Variants in TAFA2 observed in about 807,000 individuals in gnomAD.
TAFA2 encodes the protein chemokine-like protein TAFA-2.
In TAFA2, 7 loss-of-function variants were observed where a neutral mutation model predicts 18.8. The ratio of observed to expected loss-of-function variants is 0.37; its 90% CI spans 0.21 to 0.70. The LOEUF is 0.70. Among genes scored for constraint, TAFA2 ranks in the 30% least tolerant of loss-of-function variants. The probability of loss-of-function intolerance (pLI) is 0.53; values close to 1 mark genes in which losing one functional copy is unlikely to be tolerated. For synonymous variants in TAFA2, 60 were observed against 54.2 expected (o/e 1.11, Z -0.47); for missense variants, 122 against 158.1 (o/e 0.77, Z 1.23).
intron 1 of TAFA2, among the ~76,000 whole-genome samples, chr12:61,994,751 C>T (rs897205535): frequency 6.6e-6 from 1 of 152,046 alleles, no homozygotes; most frequent in East Asian, 1.9e-4. Context: ...CCTTCGTTTC[C>T]GTATCTGTGT....
intron 1 of TAFA2, among the ~76,000 whole-genome samples, chr12:61,899,852 G>A (rs1440755519): frequency 1.3e-5 from 2 of 152,068 alleles, no homozygotes; most frequent in East Asian, 1.9e-4. Context: ...TATTCTATTA[G>A]GTATTATAAG....
At chr12:62,059,817 C>T (rs550278961) in intron 1 of TAFA2, among the ~76,000 whole-genome samples, 1 of 152,018 alleles carries the variant, frequency 6.6e-6, no homozygotes, top group African/African-American at 2.4e-5. Context: ...TTTAGATGTT[C>T]TATTCATTTT....
chr12:61,859,919 T>C (rs1454665579), intron 2 of TAFA2, among the ~76,000 whole-genome samples: 1 of 152,172 alleles, frequency 6.6e-6, no homozygotes, highest in East Asian at 1.9e-4. Flanking sequence ...AGGTGTTTTA[T>C]TTACTATGAT....
chr12:61,909,926 G>T (rs1181788229), intron 1 of TAFA2, among the ~76,000 whole-genome samples: 1 of 152,122 alleles, frequency 6.6e-6, no homozygotes, highest in Non-Finnish European at 1.5e-5. Flanking sequence ...TACAGATGGG[G>T]CATACATTTA....
Position 61,952,277 on chromosome 12 carries a change from T to A in TAFA2, c.-1-84851A>T, listed in dbSNP as rs535006699. Reference sequence around the variant, plus strand: ...CCTATTAATATTTCAGTGTTTTCTTTAATTATTTTTCTCTATTAGGTAATG... The same window carrying A: ...CCTATTAATATTTCAGTGTTTTCTTAAATTATTTTTCTCTATTAGGTAATG... On this transcript the variant is annotated intron_variant, in intron 1 of 4. Coordinates refer to ENST00000416284, the MANE Select transcript of TAFA2 (RefSeq NM_178539.5). 2.3e-4 allele frequency among the ~76,000 whole-genome samples: 35 copies of A among 152,286 alleles called. No individual in the cohort carries two copies. In the South Asian group the frequency reaches 7.0e-3, roughly 31 times the overall value.
chr12:61,989,907 G>C (rs994298987), intron 1 of TAFA2, among the ~76,000 whole-genome samples: 14 of 152,142 alleles, frequency 9.2e-5, no homozygotes, highest in African/African-American at 1.4e-4. Context: ...CAGTAATGGA[G>C]AGTCATCTTT....
intron 1 of TAFA2, among the ~76,000 whole-genome samples, chr12:62,151,328 T>C (rs1479977601): frequency 2.0e-5 from 3 of 152,198 alleles, no homozygotes; most frequent in Non-Finnish European, 4.4e-5. Context: ...CTGCTGTCCA[T>C]GAAGGCATTC....
At chr12:61,877,706 T>C (rs1466631782) in intron 1 of TAFA2, among the ~76,000 whole-genome samples, 3 of 152,080 alleles carry the variant, frequency 2.0e-5, no homozygotes, top group East Asian at 1.9e-4. Context: ...TCAGATATAA[T>C]ACTACACAAA....
chr12:61,948,071 C>A (rs1359321218), intron 1 of TAFA2, among the ~76,000 whole-genome samples: 1 of 151,770 alleles, frequency 6.6e-6, no homozygotes, highest in Non-Finnish European at 1.5e-5. Context: ...GCCTGACAGG[C>A]ACTTTGAAAA....
chr12:61,934,900 G>A (rs931732852), intron 1 of TAFA2, among the ~76,000 whole-genome samples: 3 of 152,302 alleles, frequency 2.0e-5, no homozygotes, highest in Admixed American at 2.0e-4. Flanking sequence ...TGACTCCACA[G>A]TTAGTACTTT....
chr12:61,793,729 G>A (rs747410202), intron 2 of TAFA2, among the ~76,000 whole-genome samples: 28 of 151,720 alleles, frequency 1.8e-4, no homozygotes, highest in Non-Finnish European at 3.5e-4. Flanking sequence ...GTATGACTAT[G>A]TCTCAACTCA....
chr12:61,989,151 T>C (rs933876851), intron 1 of TAFA2, among the ~76,000 whole-genome samples: 13 of 152,134 alleles, frequency 8.5e-5, no homozygotes, highest in Non-Finnish European at 1.5e-4. Flanking sequence ...CTGACCAAGA[T>C]GGGTTAGCTG....
intron 1 of TAFA2, among the ~76,000 whole-genome samples, chr12:61,952,652 T>C (rs1878510789): frequency 6.6e-6 from 1 of 152,140 alleles, no homozygotes; most frequent in African/African-American, 2.4e-5. Flanking sequence ...TTTATCTCTT[T>C]ATATATAAAC....
At chr12:61,786,984 A>T (rs554670852) in intron 2 of TAFA2, among the ~76,000 whole-genome samples, 1 of 151,722 alleles carries the variant, frequency 6.6e-6, no homozygotes, top group African/African-American at 2.4e-5. Flanking sequence ...AATAGAAAAC[A>T]AATAGCGAGA....
At chr12:61,774,405 G>A (rs895438537) in intron 2 of TAFA2, among the ~76,000 whole-genome samples, 1 of 151,830 alleles carries the variant, frequency 6.6e-6, no homozygotes, top group Admixed American at 6.6e-5. Flanking sequence ...ATTTTTAGCT[G>A]CAAAAATATG....
chr12:61,807,717 C>T lies in TAFA2; in HGVS notation c.107-52693G>A, dbSNP rs573382660. 9.9e-5 allele frequency among the ~76,000 whole-genome samples: 15 copies of T among 151,520 alleles called. 1 individual carries two copies. Among genetic ancestry groups the T allele is most frequent in the South Asian group, 2.1e-4 (1 of 4,830 alleles). ...GACCATGGGAACCCACCTCTTGCAT[C>T]GGCGTGACCTGGATATGAGACATGG... On this transcript the variant is annotated intron_variant, in intron 2 of 4. Transcript: ENST00000416284.
At chr12:61,849,708 C>T (rs1238537549) in intron 2 of TAFA2, among the ~76,000 whole-genome samples, 4 of 152,152 alleles carry the variant, frequency 2.6e-5, no homozygotes, top group East Asian at 3.9e-4. Context: ...TTCACAGAGC[C>T]AAGACTAAAA....
At chr12:61,974,109 G>A (rs1355276287) in intron 1 of TAFA2, among the ~76,000 whole-genome samples, 1 of 151,636 alleles carries the variant, frequency 6.6e-6, no homozygotes, top group East Asian at 1.9e-4. Context: ...GACAGAAAAA[G>A]CCTAAGCAAG....
At chr12:61,961,900 C>A (rs1878899377) in intron 1 of TAFA2, among the ~76,000 whole-genome samples, 1 of 151,978 alleles carries the variant, frequency 6.6e-6, no homozygotes, top group Non-Finnish European at 1.5e-5. Context: ...AGATCTAATA[C>A]TTTCTCCACA....
Sources: gnomAD v4.1 joint callset for allele counts (sites outside exome capture counted in the v4.1 genomes callset) on GRCh38, gnomAD v4.1.1 for gene constraint, MANE v1.5 for transcripts, NCBI Gene and HGNC (gene_info 2026-07-23, HGNC 2026-07-21) for gene names.